The following PDE1A variants were observed in gnomAD, a reference collection of about 807,000 sequenced individuals.
PDE1A encodes the protein phosphodiesterase 1A.
In PDE1A, 35 loss-of-function variants were observed where a neutral mutation model predicts 61.7. The ratio of observed to expected loss-of-function variants is 0.57; its 90% CI spans 0.43 to 0.75. PDE1A has a LOEUF of 0.75. Among genes scored for constraint, PDE1A ranks in the 30% least tolerant of loss-of-function variants. PDE1A has a pLI of 0.00. For synonymous variants in PDE1A, 232 were observed against 213.2 expected (o/e 1.09, Z -0.77); for missense variants, 597 against 630.6 (o/e 0.95, Z 0.57).
chr2:182,292,899 C>A (rs997831524), intron 1 of PDE1A, among the ~76,000 whole-genome samples: 1 of 150,704 alleles, frequency 6.6e-6, no homozygotes, highest in African/African-American at 2.4e-5. Flanking sequence ...TACTATTTTG[C>A]AAACTTAAAA....
chr2:182,403,831 CA>C, intron 1 of PDE1A, among the ~76,000 whole-genome samples: 1 of 151,738 alleles, frequency 6.6e-6, no homozygotes, highest in Non-Finnish European at 1.5e-5. Context: ...TGGGTCCTGT[CA>C]GGGGGTGGGG....
chr2:182,178,451 A>G (rs1357297505), intron 13 of PDE1A, among the ~76,000 whole-genome samples: 1 of 152,154 alleles, frequency 6.6e-6, no homozygotes, highest in East Asian at 1.9e-4. Flanking sequence ...GGGAGAAAAG[A>G]GTTGGAAGAT....
chr2:182,200,571 T>C (rs1395109124), intron 10 of PDE1A, among the ~76,000 whole-genome samples: 1 of 152,202 alleles, frequency 6.6e-6, no homozygotes, highest in Non-Finnish European at 1.5e-5. Context: ...TCCCAGACCT[T>C]TCCTTATGGG....
chr2:182,242,856 G>T (rs2568671), intron 2 of PDE1A, among the ~76,000 whole-genome samples: 7,622 of 145,466 alleles, frequency 0.052, 616 homozygotes, highest in African/African-American at 0.18. Context: ...TACGTATCTC[G>T]CTCTCTCTCT....
the PDE1A span, among the ~76,000 whole-genome samples, chr2:182,543,596 C>T: frequency 6.7e-6 from 1 of 149,946 alleles, no homozygotes; most frequent in Admixed American, 6.6e-5. Flanking sequence ...TTATTTTGAA[C>T]ATTAAAATCA....
At chr2:182,325,057 T>C (rs1410091905) in intron 1 of PDE1A, among the ~76,000 whole-genome samples, 1 of 152,188 alleles carries the variant, frequency 6.6e-6, no homozygotes, top group Non-Finnish European at 1.5e-5. Flanking sequence ...TTTCCTATCC[T>C]ATTAACACAC....
At chr2:182,623,231 G>A in the PDE1A span, among the ~76,000 whole-genome samples, 1 of 152,136 alleles carries the variant, frequency 6.6e-6, no homozygotes, top group Non-Finnish European at 1.5e-5. Context: ...TGAGGATGGA[G>A]GTGACAGCAC....
intron 1 of PDE1A, among the ~76,000 whole-genome samples, chr2:182,353,318 T>C (rs1024736958): frequency 6.6e-6 from 1 of 152,208 alleles, no homozygotes; most frequent in Non-Finnish European, 1.5e-5. Context: ...AAAAAACAAA[T>C]ACAAATATAC....
intron 1 of PDE1A, among the ~76,000 whole-genome samples, chr2:182,424,915 C>T (rs1559450391): frequency 6.6e-6 from 1 of 152,182 alleles, no homozygotes; most frequent in Non-Finnish European, 1.5e-5. Flanking sequence ...GCACCAGGAT[C>T]ATGAAGCAAA....
intron 6 of PDE1A, among the ~76,000 whole-genome samples, chr2:182,226,736 G>T (rs1185993357): frequency 2.0e-5 from 3 of 149,754 alleles, no homozygotes; most frequent in Admixed American, 6.6e-5. Flanking sequence ...GAAATAAAGG[G>T]TTAAGAGGAT....
chr2:182,258,281 T>C (rs137899744), intron 2 of PDE1A, among the ~76,000 whole-genome samples: 22 of 152,230 alleles, frequency 1.4e-4, no homozygotes, highest in African/African-American at 4.6e-4. Context: ...GAGGAAGGGA[T>C]TGAACTCATG....
chr2:182,424,204 C>T (rs1437842961), intron 1 of PDE1A, among the ~76,000 whole-genome samples: 2 of 152,138 alleles, frequency 1.3e-5, no homozygotes, highest in Non-Finnish European at 2.9e-5. Flanking sequence ...CTTGGCCTCC[C>T]AAAGTGCTGG....
At chr2:182,465,849 A>G (rs891089708) in intron 2 of PDE1A, among the ~76,000 whole-genome samples, 13 of 152,122 alleles carry the variant, frequency 8.5e-5, no homozygotes, top group African/African-American at 2.4e-4. Context: ...CATTTTGATG[A>G]TGAGAACATG....
At chr2:182,546,330 T>C in the PDE1A span, among the ~76,000 whole-genome samples, 1 of 151,730 alleles carries the variant, frequency 6.6e-6, no homozygotes, top group Admixed American at 6.6e-5. Context: ...CCATTTTGCT[T>C]ATATCCATTC....
At chr2:182,662,746 A>C in the PDE1A span, among the ~76,000 whole-genome samples, 7 of 152,340 alleles carry the variant, frequency 4.6e-5, no homozygotes, top group African/African-American at 1.7e-4. Context: ...CAACCTAGGC[A>C]ATACCATTCT....
intron 1 of PDE1A, among the ~76,000 whole-genome samples, chr2:182,358,147 C>T (rs113787568): frequency 1.6e-4 from 24 of 152,090 alleles, no homozygotes; most frequent in Admixed American, 1.4e-3. Flanking sequence ...GGGACGAATC[C>T]GATGATACCA....
chr2:182,275,337 A>G (rs1303095251), intron 1 of PDE1A, among the ~76,000 whole-genome samples: 4 of 152,068 alleles, frequency 2.6e-5, no homozygotes, highest in African/African-American at 9.7e-5. Context: ...ACCTATCCTG[A>G]CTTTATATGC....
At chr2:182,497,761 G>A (rs533079537) in intron 2 of PDE1A, among the ~76,000 whole-genome samples, 36 of 152,060 alleles carry the variant, frequency 2.4e-4, no homozygotes, top group African/African-American at 7.0e-4. Context: ...CAGAGCACCC[G>A]GCAGGGCGCG....
At chr2:182,443,637 C>A (rs1251106523) in intron 2 of PDE1A, among the ~76,000 whole-genome samples, 2 of 151,932 alleles carry the variant, frequency 1.3e-5, no homozygotes, top group East Asian at 3.9e-4. Context: ...GCCTCCCCAG[C>A]CATGCTTCCT....
Sources: allele counts gnomAD v4.1 joint callset (sites outside exome capture counted in the v4.1 genomes callset), GRCh38; gene constraint gnomAD v4.1.1; transcripts MANE v1.5; gene names NCBI Gene and HGNC (gene_info 2026-07-23, HGNC 2026-07-21).